The following TSHZ3 variants were observed in gnomAD, a reference collection of about 807,000 sequenced individuals.
TSHZ3 encodes teashirt zinc finger homeobox 3.
TSHZ3 carries 10 observed loss-of-function variants against 64.5 expected under a neutral mutation model. The ratio of observed to expected loss-of-function variants is 0.16; its 90% CI spans 0.10 to 0.26. The LOEUF is 0.26. Ranked by LOEUF, TSHZ3 falls within the 10% of genes least tolerant of loss-of-function variation. TSHZ3 has a pLI of 1.00. For synonymous variants in TSHZ3, 608 were observed against 593.1 expected (o/e 1.03, Z -0.36); for missense variants, 1,242 against 1,421.7 (o/e 0.87, Z 2.03).
chr19:31,158,716 T>G (rs2145100827), intron 5 of TSHZ3, among the ~76,000 whole-genome samples: 1 of 152,294 alleles, frequency 6.6e-6, no homozygotes, highest in African/African-American at 2.4e-5. Flanking sequence ...AGCCCTGAAC[T>G]CACTTTCTTG....
intron 5 of TSHZ3, among the ~76,000 whole-genome samples, chr19:31,201,453 ATGTT>A (rs1366239241): frequency 1.3e-5 from 2 of 152,360 alleles, no homozygotes; most frequent in East Asian, 3.9e-4. Context: ...AAAATTCACT[ATGTT>A]TGACAAGTTG....
At chr19:31,323,091 T>C (rs905979179) in intron 1 of TSHZ3, among the ~76,000 whole-genome samples, 7 of 152,226 alleles carry the variant, frequency 4.6e-5, no homozygotes, top group African/African-American at 1.7e-4. Context: ...TCACGCAACA[T>C]TGGGTCAAGA....
intron 1 of TSHZ3, among the ~76,000 whole-genome samples, chr19:31,334,925 C>T (rs569434994): frequency 4.6e-5 from 7 of 152,284 alleles, no homozygotes; most frequent in Admixed American, 1.3e-4. Context: ...ATCATCATCC[C>T]TTCTTCCTGC....
intron 5 of TSHZ3, among the ~76,000 whole-genome samples, chr19:31,164,327 C>A (rs1974413802): frequency 6.6e-6 from 1 of 152,276 alleles, no homozygotes; most frequent in South Asian, 2.1e-4. Context: ...AGAAACCCAA[C>A]AAGAGCCCCT....
intron 1 of TSHZ3, among the ~76,000 whole-genome samples, chr19:31,268,999 G>C (rs145803917): frequency 2.0e-5 from 3 of 152,196 alleles, no homozygotes; most frequent in African/African-American, 7.2e-5. Flanking sequence ...GCTATCCCCA[G>C]TAACCTCAGC....
At chr19:31,286,178 C>T (rs1403642022) in intron 1 of TSHZ3, among the ~76,000 whole-genome samples, 3 of 152,218 alleles carry the variant, frequency 2.0e-5, no homozygotes, top group African/African-American at 2.4e-5. Context: ...AGCAACAAGA[C>T]AGCCATCGAT....
At chr19:31,170,466 C>T (rs1241857330) in intron 5 of TSHZ3, among the ~76,000 whole-genome samples, 2 of 152,102 alleles carry the variant, frequency 1.3e-5, no homozygotes, top group Non-Finnish European at 2.9e-5. Context: ...TTTGGGGGGA[C>T]CTACATTCAG....
chr19:31,278,188 G>A lies in TSHZ3; in HGVS notation c.1605C>T (p.Asn535=). 6.2e-7 allele frequency: 1 copy of A among 1,614,204 alleles called. No homozygotes were observed. The highest frequency in any genetic ancestry group is 8.5e-7 in the Non-Finnish European group (1 of 1,180,030). Residue 535 remains asparagine, a synonymous_variant, in exon 2 of 2, where the codon AAC becomes AAT. Coordinates refer to ENST00000240587, the MANE Select transcript of TSHZ3 (RefSeq NM_020856.4). This position sits in a 1 kb window ranked among gnomAD's most constrained non-coding sequence, Gnocchi z 4.7. The part of the protein sequence containing the change: ...SLENTVTSAI[N]KAQNGTPSWG... ...AGCTAGGAGTGCCGTTCTGGGCCTT[G>A]TTGATTGCGGATGTCACTGTGTTTT...
Position 31,169,115 on chromosome 19 carries a change from GA to G in TSHZ3, n.810-12699del, listed in dbSNP as rs552493903. On this transcript the variant is annotated intron_variant and non_coding_transcript_variant, in intron 5 of 6. Coordinates refer to the TSHZ3 transcript ENST00000651361. ...CTTCATGTTATTTGAAGCAGACATT[GA>G]AAAAAAAAAGAGAGAGAGAGAGAGA... Among the ~76,000 whole-genome samples, 26 of 144,330 alleles carry G rather than the reference GA, an allele frequency of 1.8e-4. 1 individual carries two copies. Among genetic ancestry groups the G allele is most frequent in the Middle Eastern group, 3.5e-3 (1 of 286 alleles). 94.7% of individuals were successfully genotyped at this position (144,330 alleles called of 152,430 possible).
At chr19:31,229,095 C>T (rs66640604) in intron 3 of TSHZ3, among the ~76,000 whole-genome samples, 39,776 of 152,022 alleles carry the variant, frequency 0.26, 5,863 homozygotes, top group Middle Eastern at 0.42. Flanking sequence ...CATGCATGTT[C>T]CTGAAAGAGA....
chr19:31,333,254 C>T (rs889381638), intron 1 of TSHZ3, among the ~76,000 whole-genome samples: 1 of 152,102 alleles, frequency 6.6e-6, no homozygotes, highest in Non-Finnish European at 1.5e-5. Flanking sequence ...CAAGGGAGGG[C>T]GAAGAGCAAT....
intron 5 of TSHZ3, among the ~76,000 whole-genome samples, chr19:31,175,218 G>A (rs887703642): frequency 6.6e-6 from 1 of 152,166 alleles, no homozygotes; most frequent in Non-Finnish European, 1.5e-5. Flanking sequence ...GCCAGCCCTC[G>A]GCCGGGAATT....
chr19:31,241,170 G>A (rs1975683534), intron 3 of TSHZ3, among the ~76,000 whole-genome samples: 1 of 152,016 alleles, frequency 6.6e-6, no homozygotes, highest in Admixed American at 6.5e-5. Context: ...ATGTTTATTA[G>A]GCAGTTCAGT....
At chr19:31,198,932 C>T (rs189707314) in intron 5 of TSHZ3, among the ~76,000 whole-genome samples, 3 of 152,096 alleles carry the variant, frequency 2.0e-5, no homozygotes, top group East Asian at 1.9e-4. Context: ...ACTGATTCTC[C>T]GATTTACAGG....
intron 5 of TSHZ3, among the ~76,000 whole-genome samples, chr19:31,168,515 G>A (rs1441059069): frequency 6.6e-6 from 1 of 152,216 alleles, no homozygotes; most frequent in African/African-American, 2.4e-5. Flanking sequence ...AAATTGGAGA[G>A]AGCAAAGCGC....
chr19:31,227,636 A>G (rs1975486040), intron 4 of TSHZ3, among the ~76,000 whole-genome samples: 1 of 152,118 alleles, frequency 6.6e-6, no homozygotes, highest in Admixed American at 6.5e-5. Context: ...CAGGGGCTGA[A>G]AATCTGTTCC....
chr19:31,311,880 C>T (rs181545257), intron 1 of TSHZ3, among the ~76,000 whole-genome samples: 12 of 152,222 alleles, frequency 7.9e-5, no homozygotes, highest in African/African-American at 2.2e-4. Context: ...TGCGCCACCA[C>T]GCCTGGCAAA....
chr19:31,207,239 A>G (rs1360002332), intron 4 of TSHZ3, among the ~76,000 whole-genome samples: 3 of 152,234 alleles, frequency 2.0e-5, no homozygotes, highest in African/African-American at 7.2e-5. Flanking sequence ...TTACTTTACA[A>G]TGCTGATTAA....
chr19:31,243,709 A>G (rs1975726002), intron 1 of TSHZ3, among the ~76,000 whole-genome samples: 1 of 151,996 alleles, frequency 6.6e-6, no homozygotes, highest in Non-Finnish European at 1.5e-5. Context: ...GGTTGTTCAG[A>G]TGATATGGGG....
Sources: gnomAD v4.1 joint callset for allele counts (sites outside exome capture counted in the v4.1 genomes callset) on GRCh38, gnomAD v4.1.1 for gene constraint, Gnocchi (gnomAD v3.1) non-coding constraint, MANE v1.5 for transcripts, NCBI Gene and HGNC (gene_info 2026-07-23, HGNC 2026-07-21) for gene names.